Variants in RBFOX1 observed in about 807,000 individuals in gnomAD.
RBFOX1 encodes the protein RNA binding fox-1 homolog 1.
In RBFOX1, 8 loss-of-function variants were observed where a neutral mutation model predicts 57.7. The observed-to-expected ratio is 0.14, with a 90% CI of 0.08 to 0.25. The LOEUF (loss-of-function observed/expected upper bound fraction) is 0.25. Among genes scored for constraint, RBFOX1 ranks in the 10% least tolerant of loss-of-function variants. The probability of loss-of-function intolerance (pLI) is 1.00; values close to 1 mark genes in which losing one functional copy is unlikely to be tolerated. For missense variants in RBFOX1, 611 were observed against 548.5 expected (o/e 1.11, Z -1.14); for synonymous variants, 326 against 222.4 (o/e 1.47, Z -4.15).
intron 3 of RBFOX1, among the ~76,000 whole-genome samples, chr16:5,661,620 T>C (rs2049653518): frequency 6.6e-6 from 1 of 152,228 alleles, no homozygotes; most frequent in South Asian, 2.1e-4. Context: ...ACACATTGTG[T>C]AAATGAGTAT....
intron 4 of RBFOX1, among the ~76,000 whole-genome samples, chr16:7,182,356 C>G (rs556778768): frequency 6.6e-5 from 10 of 152,298 alleles, no homozygotes; most frequent in Admixed American, 2.6e-4. Context: ...ATCTTCCATT[C>G]TTCCTGAAGC....
At chr16:6,900,846 CTT>C (rs1263847435) in intron 3 of RBFOX1, among the ~76,000 whole-genome samples, 2 of 152,158 alleles carry the variant, frequency 1.3e-5, no homozygotes, top group South Asian at 2.1e-4. Context: ...GAGTGTTTGT[CTT>C]TGTGTGAGCT....
intron 4 of RBFOX1, among the ~76,000 whole-genome samples, chr16:7,054,503 G>A (rs12149288): frequency 0.51 from 72,879 of 142,742 alleles, 20,597 homozygotes; most frequent in South Asian, 0.74. Context: ...GGCCCCCCAA[G>A]GTGATGGGAT....
At chr16:6,895,153 A>G (rs2066451774) in intron 3 of RBFOX1, among the ~76,000 whole-genome samples, 1 of 152,088 alleles carries the variant, frequency 6.6e-6, no homozygotes, top group African/African-American at 2.4e-5. Flanking sequence ...CAAATCAAAA[A>G]AGATGATCTA....
At chr16:7,324,370 G>GGATCCT (rs146768720) in intron 4 of RBFOX1, among the ~76,000 whole-genome samples, 3 of 152,108 alleles carry the variant, frequency 2.0e-5, no homozygotes, top group Non-Finnish European at 4.4e-5. Context: ...AGCTCCTGTA[G>GGATCCT]GGTCCTGGAG....
Position 5,802,856 on chromosome 16 carries a change from C to G in RBFOX1, c.319-64447C>G, listed in dbSNP as rs552514358. On this transcript the variant is annotated intron_variant, in intron 3 of 19. Transcript: ENST00000641259. ...ATCTCGCCCCCATCTGTCCACCTATCCAACCATTCATTCATTAATCATACA... is the reference window on the plus strand; with the variant it reads ...ATCTCGCCCCCATCTGTCCACCTATGCAACCATTCATTCATTAATCATACA... Among the ~76,000 whole-genome samples, 135 of 152,326 alleles carry G rather than the reference C, an allele frequency of 8.9e-4. 1 individual carries two copies. The highest frequency in any genetic ancestry group is 2.9e-3 in the African/African-American group (121 of 41,566).
chr16:5,586,724 CGT>C (rs2046841778), intron 2 of RBFOX1, among the ~76,000 whole-genome samples: 1 of 152,112 alleles, frequency 6.6e-6, no homozygotes. Flanking sequence ...GTCTTGAACT[CGT>C]GGCGTCAATG....
At chr16:7,508,029 C>A (rs1008232991) in intron 4 of RBFOX1, among the ~76,000 whole-genome samples, 7 of 151,906 alleles carry the variant, frequency 4.6e-5, no homozygotes, top group Non-Finnish European at 1.0e-4. Flanking sequence ...CCCTATCACC[C>A]AGGCTGGAGT....
intron 3 of RBFOX1, among the ~76,000 whole-genome samples, chr16:5,766,437 T>C (rs1469184463): frequency 6.6e-6 from 1 of 151,980 alleles, no homozygotes; most frequent in Non-Finnish European, 1.5e-5. Context: ...TGCAAAAAAT[T>C]AGCTGGGTGT....
chr16:7,461,441 C>T (rs1352544110), intron 4 of RBFOX1, among the ~76,000 whole-genome samples: 1 of 152,160 alleles, frequency 6.6e-6, no homozygotes, highest in Non-Finnish European at 1.5e-5. Flanking sequence ...GCTGGGATTA[C>T]AGGCATGAGT....
chr16:5,252,502 C>T (rs1172730563), intron 1 of RBFOX1, among the ~76,000 whole-genome samples: 1 of 152,204 alleles, frequency 6.6e-6, no homozygotes, highest in Non-Finnish European at 1.5e-5. Flanking sequence ...GAAGGACTCT[C>T]TCCAGGTGTC....
At chr16:5,993,227 T>G (rs1258359815) in intron 4 of RBFOX1, among the ~76,000 whole-genome samples, 6 of 152,204 alleles carry the variant, frequency 3.9e-5, no homozygotes, top group Non-Finnish European at 7.3e-5. Context: ...TAACTGTTAC[T>G]GGCTGGGCTC....
At chr16:5,960,996 A>G (rs1239968803) in intron 4 of RBFOX1, among the ~76,000 whole-genome samples, 1 of 152,126 alleles carries the variant, frequency 6.6e-6, no homozygotes, top group African/African-American at 2.4e-5. Flanking sequence ...GGAAAAAGCT[A>G]CCTTCTCCGG....
chr16:6,770,960 G>A (rs969064570), intron 3 of RBFOX1, among the ~76,000 whole-genome samples: 3 of 152,112 alleles, frequency 2.0e-5, no homozygotes, highest in Non-Finnish European at 2.9e-5. Flanking sequence ...CACTACCCCC[G>A]ATTCAAATGC....
intron 3 of RBFOX1, among the ~76,000 whole-genome samples, chr16:6,690,573 G>T (rs2060060511): frequency 6.6e-6 from 1 of 152,054 alleles, no homozygotes; most frequent in Admixed American, 6.6e-5. Context: ...ATACTGAGAT[G>T]CAGGATGATC....
rs1448377308 is a variant in RBFOX1, at chr16:5,916,277, C to T, written c.351+48942C>T. 7.9e-5 allele frequency among the ~76,000 whole-genome samples: 12 copies of T among 152,140 alleles called. No individual in the cohort carries two copies. In the East Asian group the frequency reaches 1.9e-3, roughly 24 times the overall value. On this transcript the variant is annotated intron_variant, in intron 4 of 19. Transcript: ENST00000641259. ...CTTTATCCATAACAGCTCTAATTCT[C>T]GGATTATTCTTAATTCCCCCCTCCT...
intron 1 of RBFOX1, among the ~76,000 whole-genome samples, chr16:6,251,297 G>A (rs917590246): frequency 6.6e-6 from 1 of 152,106 alleles, no homozygotes; most frequent in African/African-American, 2.4e-5. Context: ...CAGCACCCTT[G>A]ATATTAAACT....
chr16:7,655,603 C>G (rs959283412), intron 12 of RBFOX1, among the ~76,000 whole-genome samples: 3 of 151,972 alleles, frequency 2.0e-5, no homozygotes, highest in African/African-American at 7.2e-5. Context: ...TTCCCAAGAT[C>G]ATGTAATGAG....
chr16:5,252,328 T>C (rs1392896573), intron 1 of RBFOX1, among the ~76,000 whole-genome samples: 1 of 152,224 alleles, frequency 6.6e-6, no homozygotes, highest in Non-Finnish European at 1.5e-5. Context: ...AACCATTTCT[T>C]TGGGGGGCAA....
Sources: gnomAD v4.1 joint callset for allele counts (sites outside exome capture counted in the v4.1 genomes callset) on GRCh38, gnomAD v4.1.1 for gene constraint, MANE v1.5 for transcripts, NCBI Gene and HGNC (gene_info 2026-07-23, HGNC 2026-07-21) for gene names.